The following COL5A3 variants were observed in gnomAD, a reference collection of about 807,000 sequenced individuals.
COL5A3 encodes the protein collagen type V alpha 3 chain.
Under a neutral mutation model 250.0 loss-of-function variants are expected in COL5A3, and 172 were observed. The ratio of observed to expected loss-of-function variants is 0.69; its 90% CI spans 0.61 to 0.78. The LOEUF (loss-of-function observed/expected upper bound fraction) is 0.78, where lower values mean the gene tolerates loss of function less well. COL5A3 is among the 30% of genes least tolerant of loss of function. The probability of loss-of-function intolerance (pLI) is 0.00; values close to 1 mark genes in which losing one functional copy is unlikely to be tolerated. For synonymous variants in COL5A3, 937 were observed against 900.4 expected, an observed-to-expected ratio of 1.04 and a Z score of -0.73; for missense variants, 2,340 against 2,334.4, an observed-to-expected ratio of 1.00 and a Z score of -0.05.
chr19:9,969,219 G>A, intron 57 of COL5A3, 130 bp downstream of exon 57: 1 of 768,754 alleles, frequency 1.3e-6, no homozygotes, highest in East Asian at 2.6e-5. Flanking sequence ...ATGGTTAGTA[G>A]AGACAGGCAG....
intron 31 of COL5A3, among the ~76,000 whole-genome samples, chr19:9,983,316 G>A (rs1033162551): frequency 1.2e-4 from 18 of 151,830 alleles, no homozygotes; most frequent in African/African-American, 4.4e-4. Flanking sequence ...AGCCTGGGCA[G>A]CATAGCGAGA....
intron 10 of COL5A3, 71 bp downstream of exon 10, chr19:9,997,913 C>T (rs1050370890): frequency 5.8e-6 from 9 of 1,556,206 alleles, no homozygotes; most frequent in Non-Finnish European, 7.1e-6. Flanking sequence ...CCCAACTCCT[C>T]ACTCCAGGGG....
intron 2 of COL5A3, 38 bp from the exon 3 acceptor site, chr19:10,006,023 C>T (rs1306059440): frequency 1.2e-6 from 2 of 1,611,258 alleles, no homozygotes; most frequent in South Asian, 1.1e-5. Context: ...TCAGAGGGCC[C>T]AGCAGTGCCT....
At chr19:9,988,334 C>T (rs1463669186) in intron 27 of COL5A3, among the ~76,000 whole-genome samples, 1 of 152,178 alleles carries the variant, frequency 6.6e-6, no homozygotes, top group Non-Finnish European at 1.5e-5. Context: ...TACAGTATAG[C>T]CAATTCCTTG....
At chr19:9,992,266 C>T (rs2087205138) in intron 21 of COL5A3, among the ~76,000 whole-genome samples, 1 of 151,944 alleles carries the variant, frequency 6.6e-6, no homozygotes, top group African/African-American at 2.4e-5. Flanking sequence ...TTACTAAAAA[C>T]ACAAAAATTA....
In COL5A3 at chr19:9,973,801, T is replaced by TGGAGTG; in HGVS notation, c.3561_3566dup (p.Thr1188_Pro1189dup). On this transcript the variant is annotated inframe_insertion, in exon 49 of 67. Transcript: ENST00000264828. ...GCTGACCAACTCCTCCAGGCAGCCC[T>TGGAGTG]GGAGTGCCCTGGAGAGACAGCAAGG... 2 of 1,613,942 alleles carry TGGAGTG rather than the reference T, an allele frequency of 1.2e-6. No homozygotes were observed. The highest frequency in any genetic ancestry group is 1.7e-6 in the Non-Finnish European group (2 of 1,179,936).
intron 51 of COL5A3, 111 bp downstream of exon 51, chr19:9,972,808 C>G: frequency 1.4e-6 from 1 of 706,604 alleles, no homozygotes; most frequent in Non-Finnish European, 2.2e-6. Context: ...TGCACTCCAG[C>G]CTGGTGACAG....
At chr19:9,967,880 C>A in intron 61 of COL5A3, 24 bp downstream of exon 61, 2 of 1,610,376 alleles carry the variant, frequency 1.2e-6, no homozygotes, top group Non-Finnish European at 1.7e-6. Flanking sequence ...GATGTGTAAG[C>A]CCACGGAAGC....
At chr19:9,989,098 C>T in intron 27 of COL5A3, 26 bp downstream of exon 27, 2 of 1,612,184 alleles carry the variant, frequency 1.2e-6, no homozygotes, top group Non-Finnish European at 8.5e-7. Flanking sequence ...TGGTAAATCA[C>T]TCATACCTGC....
Position 9,989,233 on chromosome 19 carries a change from G to A in COL5A3, c.2092-56C>T, listed in dbSNP as rs528816391. ...AGACAGTCCCTTCCACATTCTAAGA[G>A]CCCTCATCTCTCTCCTCTGTGGCCC... On this transcript the variant is annotated intron_variant, in intron 26 of 66. Transcript: ENST00000264828. The A allele has an allele frequency of 3.1e-5, 50 of 1,610,850 alleles. No individual in the cohort carries two copies. The African/African-American group carries it at 6.3e-4, about 20-fold the overall frequency.
At chr19:9,967,479 ACACT>A (rs774146596) in intron 61 of COL5A3, 79 bp from the exon 62 acceptor site, 12,296 of 873,650 alleles carry the variant, frequency 0.014, 127 homozygotes, top group Admixed American at 0.066. Flanking sequence ...ACACACACAC[ACACT>A]CACACACACA....
chr19:10,006,249 C>T lies in COL5A3; in HGVS notation c.89-18G>A, dbSNP rs781482304. On this transcript the variant is annotated intron_variant, in intron 1 of 66. Transcript: ENST00000264828. ...CACAGGATCTGCAGCAGAGAGAAGC[C>T]GGGGGTGTCAGGCAGAGGTGGGGAA... 18 of 1,578,258 alleles carry T rather than the reference C, an allele frequency of 1.1e-5. No homozygotes were observed. In the African/African-American group the frequency reaches 1.5e-4, roughly 13 times the overall value.
chr19:9,963,029 T>G (rs2086693452), intron 64 of COL5A3, 142 bp from the exon 65 acceptor site: 1 of 642,014 alleles, frequency 1.6e-6, no homozygotes, highest in Admixed American at 2.6e-5. Context: ...GCTCTGCCAG[T>G]GCACAATGGG....
At position 9,995,613 on chromosome 19, in the gene COL5A3, G is replaced by A; in HGVS notation, c.1538C>T (p.Pro513Leu). 1 of 1,595,472 alleles carries A rather than the reference G, an allele frequency of 6.3e-7. No individual in the cohort carries two copies. Among genetic ancestry groups the A allele is most frequent in the Non-Finnish European group, 8.5e-7 (1 of 1,171,000 alleles). The stretch of plus-strand genomic sequence containing the variant: ...TCCATGAGGTCCCTGCAGGCCTCGG[G>A]GACCCTAGAAGAAAGCAAAAAGGAG... The part of the protein sequence containing the change: ...GEEGAEGPQG[P>L]RGLQGPHGPP... The change falls in exon 16 of 67, where the codon CCC (proline) becomes CTC (leucine). Residue 513 changes from proline to leucine, a missense_variant. By Grantham distance (98) the Pro-to-Leu change is moderately conservative (BLOSUM62 -3). This residue lies in a region of COL5A3 where 1,152 missense variants were observed against 1,146.3 expected (regional missense o/e 1.00). Coordinates refer to ENST00000264828, the MANE Select transcript of COL5A3 (RefSeq NM_015719.4).
chr19:9,973,147 C>A, intron 50 of COL5A3, 121 bp from the exon 51 acceptor site: 2 of 829,422 alleles, frequency 2.4e-6, no homozygotes, highest in Non-Finnish European at 1.9e-6. Context: ...TTCAGAGTAG[C>A]CTAGGTTGTC....
At chr19:10,001,695 G>A (rs1469972040) in intron 7 of COL5A3, 25 bp from the exon 8 acceptor site, 1 of 1,613,454 alleles carries the variant, frequency 6.2e-7, no homozygotes, top group Non-Finnish European at 8.5e-7. Flanking sequence ...AAAGACCAAA[G>A]TTTTCCCTGA....
chr19:9,988,855 A>AAAAGAGAGAGAGAG (rs1555738985), intron 27 of COL5A3, among the ~76,000 whole-genome samples: 1 of 104,764 alleles, frequency 9.5e-6, no homozygotes, highest in Non-Finnish European at 1.8e-5. Flanking sequence ...AAAAAAAAAA[A>AAAAGAGAGAGAGAG]AAAGAAAGTA....
chr19:9,978,808 A>G lies in COL5A3; in HGVS notation c.2964+83T>C, dbSNP rs554692457. ...TGCTTTCATCATTTCCCGCACCCCAAATGCTATTCCCCATCCCTCCCCTGA... is the reference window on the plus strand; with the variant it reads ...TGCTTTCATCATTTCCCGCACCCCAGATGCTATTCCCCATCCCTCCCCTGA... On this transcript the variant is annotated intron_variant, in intron 40 of 66. Coordinates refer to ENST00000264828, the MANE Select transcript of COL5A3 (RefSeq NM_015719.4). 37 of 1,083,288 alleles carry G rather than the reference A, an allele frequency of 3.4e-5. No individual in the cohort carries two copies. In the East Asian group the frequency reaches 7.6e-4, roughly 22 times the overall value. The allele number at this position is 1,083,288 out of a possible 1,614,324, so 67.1% of individuals were successfully genotyped here.
Position 9,968,866 on chromosome 19 carries a change from G to T in COL5A3, c.4153-138C>A. The T allele has an allele frequency of 1.3e-6, 1 of 768,588 alleles. No individual in the cohort carries two copies. The highest frequency in any genetic ancestry group is 2.2e-6 in the Non-Finnish European group (1 of 464,732). 47.6% of individuals were successfully genotyped at this position (768,588 alleles called of 1,614,324 possible). The stretch of plus-strand genomic sequence containing the variant: ...CAGGGATGAGGTCAAGGGATGGTCA[G>T]AGTAGGCCACCAAGGTGGGATGATG... On this transcript the variant is annotated intron_variant, in intron 57 of 66. Transcript: ENST00000264828. This position sits in a 1 kb window ranked among gnomAD's most constrained non-coding sequence, Gnocchi z 4.1.
Sources: allele counts gnomAD v4.1 joint callset (sites outside exome capture counted in the v4.1 genomes callset), GRCh38; gene constraint gnomAD v4.1.1; regional missense constraint gnomAD v4.1.1; non-coding constraint Gnocchi (gnomAD v3.1); transcripts MANE v1.5; gene names NCBI Gene and HGNC (gene_info 2026-07-23, HGNC 2026-07-21).